MYH13: variants seen among roughly 807,000 people sequenced by gnomAD.
MYH13 encodes the protein myosin heavy chain 13, also known as myosin-13.
In MYH13, 177 loss-of-function variants were observed where a neutral mutation model predicts 232.1. The ratio of observed to expected loss-of-function variants is 0.76; its 90% CI spans 0.67 to 0.86. The LOEUF (loss-of-function observed/expected upper bound fraction) is 0.86, where lower values mean the gene tolerates loss of function less well. Among genes scored for constraint, MYH13 ranks in the 40% least tolerant of loss-of-function variants. The pLI is 0.00. For synonymous variants in MYH13, 884 were observed against 923.5 expected (o/e 0.96, Z 0.78); for missense variants, 2,246 against 2,405.9 (o/e 0.93, Z 1.39).
At chr17:10,309,875 C>G (rs1423460687) in intron 33 of MYH13, 45 bp from the exon 34 acceptor site, 1 of 1,464,568 alleles carries the variant, frequency 6.8e-7, no homozygotes. Context: ...GGACATCCAC[C>G]TTCATGAATG....
chr17:10,351,842 T>C (rs755267441), intron 11 of MYH13, among the ~76,000 whole-genome samples: 6 of 152,080 alleles, frequency 3.9e-5, no homozygotes, highest in Non-Finnish European at 8.8e-5. Context: ...GCCTGTAGAG[T>C]GTCCATTGGT....
intron 11 of MYH13, 140 bp from the exon 12 acceptor site, chr17:10,350,834 T>C (rs1187973919): frequency 9.0e-7 from 1 of 1,107,148 alleles, no homozygotes; most frequent in East Asian, 2.5e-5. Flanking sequence ...GGTGGGGATG[T>C]GGTAAATTAG....
At position 10,323,764 on chromosome 17, in the gene MYH13, CAAAAAAAAAAA is replaced by C. The variant is rs756659634; in HGVS notation, c.2934+247_2934+257del. Among the ~76,000 whole-genome samples the C allele has an allele frequency of 8.6e-3, 775 of 90,196 alleles. 30 individuals are homozygous for C. The highest frequency in any genetic ancestry group is 0.066 in the East Asian group (143 of 2,166). The allele number at this position is 90,196 out of a possible 152,430, so 59.2% of individuals were successfully genotyped here. A position where few individuals can be genotyped will look rare whatever the true frequency, so the allele number is the denominator to read the frequency against. On this transcript the variant is annotated intron_variant, in intron 23 of 40. Transcript: ENST00000252172. The stretch of plus-strand genomic sequence containing the variant: ...GGCAACAGAGCAAGACTCCATCTCA[CAAAAAAAAAAA>C]AAAAAAAAAAAAAAGAAGAAGAAGA...
At chr17:10,340,052 G>A (rs2071609043) in intron 18 of MYH13, 98 bp downstream of exon 18, 2 of 1,020,932 alleles carry the variant, frequency 2.0e-6, no homozygotes, top group South Asian at 3.0e-5. Flanking sequence ...AAGTGATACA[G>A]ACCATCACTC....
rs1368868556 is a variant in MYH13 at position 10,345,592 on chromosome 17, C to T, written c.1288G>A (p.Ala430Thr). Residue 430 changes from alanine (A) to threonine (T), a missense_variant, in exon 14 of 41, where the codon GCC (alanine) becomes ACC (threonine). By Grantham distance (58) the Ala-to-Thr change is moderately conservative (BLOSUM62 0). Transcript: ENST00000252172. Reference protein sequence around the residue: ...QQVTNSVGALAKAVYEKMFLW... With the variant: ...QQVTNSVGALTKAVYEKMFLW... ...AACATCTTCTCGTAGACGGCTTTGGCCAGAGCACCCACCGAATTGGTCACC... is the reference window on the plus strand; with the variant it reads ...AACATCTTCTCGTAGACGGCTTTGGTCAGAGCACCCACCGAATTGGTCACC... 1.2e-6 allele frequency: 2 copies of T among 1,614,062 alleles called. No homozygotes were observed. Among genetic ancestry groups the T allele is most frequent in the Middle Eastern group, 1.6e-4 (1 of 6,062 alleles).
rs773526179 is a variant in MYH13, at chr17:10,315,754, C to A, written c.3923G>T (p.Ser1308Ile). 6.2e-7 allele frequency: 1 copy of A among 1,614,004 alleles called. No individual in the cohort carries two copies. The highest frequency in any genetic ancestry group is 1.1e-5 in the South Asian group (1 of 91,088). Residue 1308 changes from serine (S) to isoleucine (I), a missense_variant, in exon 29 of 41, where the codon AGC (serine) becomes ATC (isoleucine). By Grantham distance (142) the Ser-to-Ile change is moderately radical (BLOSUM62 -2). Coordinates refer to ENST00000252172, the MANE Select transcript of MYH13 (RefSeq NM_003802.3). ...CAGCTGCTGGGTGAGGGCCTGCTTG[C>A]TTTTGGTCAGCTGTGAAATCAGAGA... ...KESLISQLTK[S>I]KQALTQQLEE...
Position 10,321,662 on chromosome 17 carries a change from G to A in MYH13, c.2981C>T (p.Ser994Phe). The A allele has an allele frequency of 6.2e-7, 1 of 1,613,576 alleles. No individual in the cohort carries two copies. Among genetic ancestry groups the A allele is most frequent in the East Asian group, 2.2e-5 (1 of 44,846 alleles). The change falls in exon 24 of 41, where the codon TCC (serine) becomes TTC (phenylalanine). Residue 994 changes from serine to phenylalanine, a missense_variant. Ser to Phe is a radical substitution (Grantham distance 155). Coordinates refer to ENST00000252172, the MANE Select transcript of MYH13 (RefSeq NM_003802.3). The stretch of plus-strand genomic sequence containing the variant: ...AGATTTCTTTTCTTTGGTCAATTTG[G>A]AAATGTTTTCTTCAAGTGCTGTCAT... ...EEMTALEENI[S>F]KLTKEKKSLQ...
At chr17:10,307,673 A>G (rs1397483531) in intron 35 of MYH13, among the ~76,000 whole-genome samples, 10 of 152,334 alleles carry the variant, frequency 6.6e-5, no homozygotes, top group Admixed American at 5.9e-4. Context: ...TTTTTAAAAT[A>G]AGAGCTAGAG....
At chr17:10,305,029 C>T (rs939812572) in intron 37 of MYH13, among the ~76,000 whole-genome samples, 1 of 152,230 alleles carries the variant, frequency 6.6e-6, no homozygotes, top group African/African-American at 2.4e-5. Flanking sequence ...GACAGGCTTA[C>T]TCTGGGTGCT....
chr17:10,309,001 A>G (rs1461769181), intron 35 of MYH13, among the ~76,000 whole-genome samples: 2 of 152,252 alleles, frequency 1.3e-5, no homozygotes, highest in Non-Finnish European at 2.9e-5. Context: ...ACAACGTGCA[A>G]GATGTTTAAT....
rs767277314 is a variant in MYH13, at chr17:10,350,718, G to A, written c.1006-24C>T. The A allele has an allele frequency of 1.9e-6, 3 of 1,613,270 alleles. No individual in the cohort carries two copies. In the East Asian group the frequency reaches 6.7e-5, roughly 36 times the overall value. ...TTCTGGAAAGAAAAAAAGGACAACT[G>A]TCATAGCAGGAATCAGGGATCCATA... On this transcript the variant is annotated intron_variant, in intron 11 of 40. Coordinates refer to ENST00000252172, the MANE Select transcript of MYH13 (RefSeq NM_003802.3).
Position 10,355,822 on chromosome 17 carries a change from G to A in MYH13, c.739-675C>T, listed in dbSNP as rs555828036. ...TAATTGTAACTGGTTGGATTGTTCT[G>A]TCTGACTTTTTTTTTTTTTTTTTTT... On this transcript the variant is annotated intron_variant, in intron 8 of 40. Coordinates refer to ENST00000252172, the MANE Select transcript of MYH13 (RefSeq NM_003802.3). Among the ~76,000 whole-genome samples, 9 of 102,876 alleles carry A rather than the reference G, an allele frequency of 8.7e-5. No individual in the cohort carries two copies. In the South Asian group the frequency reaches 3.0e-3, roughly 35 times the overall value. The allele number at this position is 102,876 out of a possible 152,430, so 67.5% of individuals were successfully genotyped here. A position where few individuals can be genotyped will look rare whatever the true frequency, so the allele number is the denominator to read the frequency against.
Position 10,327,896 on chromosome 17 carries a change from C to T in MYH13, c.2661G>A (p.Glu887=), listed in dbSNP as rs767352032. ...LEEKMVSLLQ[E]KNDLQLQVQS... ...GGACCTGCAATTGGAGGTCATTCTT[C>T]TCCTGCAGGAGGGAGACCATTTTCT... Residue 887 remains glutamate, a synonymous_variant, in exon 22 of 41, where the codon GAG becomes GAA. Coordinates refer to ENST00000252172, the MANE Select transcript of MYH13 (RefSeq NM_003802.3). 1.9e-6 allele frequency: 3 copies of T among 1,613,472 alleles called. No homozygotes were observed. Among genetic ancestry groups the T allele is most frequent in the South Asian group, 1.1e-5 (1 of 90,988 alleles).
chr17:10,369,285 T>G (rs2071861561), intron 2 of MYH13, among the ~76,000 whole-genome samples: 1 of 152,224 alleles, frequency 6.6e-6, no homozygotes, highest in Non-Finnish European at 1.5e-5. Context: ...GGGTAATATT[T>G]GTTTAACACT....
intron 29 of MYH13, 150 bp from the exon 30 acceptor site, chr17:10,313,504 A>C (rs1597885784): frequency 1.7e-6 from 2 of 1,187,786 alleles, no homozygotes; most frequent in East Asian, 5.1e-5. Flanking sequence ...GGTTTATTTA[A>C]TTTTTTTTCA....
At position 10,318,832 on chromosome 17, in the gene MYH13, A is replaced by G. The variant is rs2074873; in HGVS notation, c.3696T>C (p.Ile1232=). The change falls in exon 27 of 41, where the codon ATT becomes ATC. Residue 1232 remains isoleucine (I), a synonymous_variant. Coordinates refer to ENST00000252172, the MANE Select transcript of MYH13 (RefSeq NM_003802.3). ...CCTCGATGTTGCTGGCCATGTCGTCAATCTCCATCTTCAGCTCGCTCTTCT... is the reference window on the plus strand; with the variant it reads ...CCTCGATGTTGCTGGCCATGTCGTCGATCTCCATCTTCAGCTCGCTCTTCT... The part of the protein sequence containing the change: ...EKEKSELKME[I]DDMASNIEAL... The G allele has an allele frequency of 0.13, 202,997 of 1,613,824 alleles. 16,281 individuals carry two copies. Among genetic ancestry groups the G allele is most frequent in the East Asian group, 0.31 (14,068 of 44,820 alleles).
intron 31 of MYH13, 133 bp from the exon 32 acceptor site, chr17:10,312,209 A>C (rs932500880): frequency 1.0e-6 from 1 of 999,256 alleles, no homozygotes; most frequent in Non-Finnish European, 1.5e-6. Context: ...GAGGAGGAGC[A>C]CTGTTCTAGA....
At chr17:10,354,610 A>G in intron 11 of MYH13, 70 bp downstream of exon 11, 1 of 1,398,478 alleles carries the variant, frequency 7.2e-7, no homozygotes, top group Admixed American at 1.7e-5. Context: ...CCATTAGCTC[A>G]CTAACGTGTC....
rs188628427 is a variant in MYH13, at chr17:10,356,303, A to G, written c.739-1156T>C. 4.2e-3 allele frequency among the ~76,000 whole-genome samples: 647 copies of G among 152,254 alleles called. 11 individuals carry two copies. The highest frequency in any genetic ancestry group is 0.015 in the African/African-American group (627 of 41,520). On this transcript the variant is annotated intron_variant, in intron 8 of 40. Coordinates refer to ENST00000252172, the MANE Select transcript of MYH13 (RefSeq NM_003802.3). ...ATATTTAGCGGCTTAACAGAAGACA[A>G]TGGAAGTCATCCCTAGCCTGCAAAT... is the stretch of plus-strand genomic sequence containing the variant.
Sources: allele counts gnomAD v4.1 joint callset (sites outside exome capture counted in the v4.1 genomes callset), GRCh38; gene constraint gnomAD v4.1.1; transcripts MANE v1.5; gene names NCBI Gene and HGNC (gene_info 2026-07-23, HGNC 2026-07-21).